The following COL22A1 variants were observed in gnomAD, a reference collection of about 807,000 sequenced individuals.
COL22A1 encodes collagen type XXII alpha 1 chain.
In COL22A1, 221 loss-of-function variants were observed where a neutral mutation model predicts 248.9. That is an observed-to-expected ratio of 0.89 (90% CI 0.80 to 0.99). The LOEUF (loss-of-function observed/expected upper bound fraction) is 0.99, where lower values mean the gene tolerates loss of function less well. Among genes scored for constraint, COL22A1 ranks in the 50% least tolerant of loss-of-function variants. The pLI is 0.00. For synonymous variants in COL22A1, 891 were observed against 793.4 expected (o/e 1.12, Z -2.07); for missense variants, 2,240 against 2,179.0 (o/e 1.03, Z -0.56).
chr8:138,609,236 C>T (rs1818667225), intron 56 of COL22A1, among the ~76,000 whole-genome samples: 1 of 152,216 alleles, frequency 6.6e-6, no homozygotes, highest in Admixed American at 6.5e-5. Context: ...AACTGAGGCT[C>T]AGAAATGCTA....
intron 52 of COL22A1, chr8:138,619,861 G>A (rs1819629759): frequency 3.6e-6 from 1 of 277,384 alleles, no homozygotes; most frequent in African/African-American, 2.2e-5. Context: ...ACCATGTCAA[G>A]GCCGCTATTA....
chr8:138,592,430 C>T (rs10096258), intron 63 of COL22A1, among the ~76,000 whole-genome samples: 59,547 of 152,126 alleles, frequency 0.39, 17,713 homozygotes, highest in African/African-American at 0.84. Context: ...TTATAATAAT[C>T]GTGTTTGGTC....
intron 41 of COL22A1, among the ~76,000 whole-genome samples, chr8:138,675,659 G>T (rs544689445): frequency 3.9e-5 from 6 of 152,296 alleles, no homozygotes; most frequent in African/African-American, 1.2e-4. Context: ...CATTAAGAGG[G>T]TATGATGTCT....
rs1823720562 is a variant in COL22A1 at position 138,660,477 on chromosome 8, C to T, written c.3244G>A (p.Ala1082Thr). 1 of 1,613,518 alleles carries T rather than the reference C, an allele frequency of 6.2e-7. No homozygotes were observed. Among genetic ancestry groups the T allele is most frequent in the Non-Finnish European group, 8.5e-7 (1 of 1,179,436 alleles). The change falls in exon 44 of 65, where the codon GCA becomes ACA. Residue 1082 changes from alanine to threonine, a missense_variant. By Grantham distance (58) the Ala-to-Thr change is moderately conservative. Transcript: ENST00000303045. ...CCTCTTTCTCCTGGATTTCCTGGTG[C>T]ACCCTAAGAGAAGAAGGAAATAAAA... ...GPQGPAGRDG[A>T]PGNPGERGPP...
At chr8:138,788,445 C>G (rs1358303487) in intron 12 of COL22A1, among the ~76,000 whole-genome samples, 1 of 152,182 alleles carries the variant, frequency 6.6e-6, no homozygotes, top group Non-Finnish European at 1.5e-5. Context: ...GAAAGTTAAA[C>G]TAAATAGCAC....
chr8:138,813,136 C>T (rs778738800), intron 7 of COL22A1, 117 bp from the exon 8 acceptor site: 2 of 745,788 alleles, frequency 2.7e-6, no homozygotes, highest in Non-Finnish European at 4.8e-6. Context: ...TTGGGGTCTT[C>T]CTGAGTCCAC....
intron 1 of COL22A1, among the ~76,000 whole-genome samples, chr8:138,889,269 C>A (rs577898674): frequency 6.6e-6 from 1 of 152,308 alleles, no homozygotes; most frequent in African/African-American, 2.4e-5. Context: ...CAAATATTAG[C>A]TGCAACTGGC....
At chr8:138,620,466 T>C (rs978661077) in intron 52 of COL22A1, 1 of 152,122 alleles carries the variant, frequency 6.6e-6, no homozygotes, top group Non-Finnish European at 1.5e-5. Flanking sequence ...ACTTCCAGGT[T>C]TGTCTGTTTC....
At chr8:138,775,353 A>C (rs1045794887) in intron 16 of COL22A1, among the ~76,000 whole-genome samples, 1 of 152,236 alleles carries the variant, frequency 6.6e-6, no homozygotes, top group Non-Finnish European at 1.5e-5. Flanking sequence ...ATGTCAGCAC[A>C]TATGGCGGAA....
chr8:138,745,058 A>T (rs1462829538), intron 22 of COL22A1, among the ~76,000 whole-genome samples: 1 of 152,240 alleles, frequency 6.6e-6, no homozygotes. Context: ...TGAGAAGGTC[A>T]TTCACGTTTC....
intron 3 of COL22A1, among the ~76,000 whole-genome samples, chr8:138,864,629 G>A (rs983138595): frequency 1.3e-5 from 2 of 152,326 alleles, no homozygotes; most frequent in South Asian, 2.1e-4. Flanking sequence ...CACTAAGTAC[G>A]TAAGCTTCCT....
intron 23 of COL22A1, among the ~76,000 whole-genome samples, chr8:138,727,292 A>G (rs1247128078): frequency 1.3e-5 from 2 of 151,522 alleles, no homozygotes; most frequent in Non-Finnish European, 2.9e-5. Context: ...CTTCTGAGCC[A>G]TCTCCACCTT....
intron 1 of COL22A1, among the ~76,000 whole-genome samples, chr8:138,886,369 T>C (rs1288625173): frequency 1.3e-5 from 2 of 151,662 alleles, no homozygotes; most frequent in African/African-American, 4.8e-5. Context: ...CAGCACAGAA[T>C]TGGTGCTCAG....
chr8:138,712,857 G>C, intron 30 of COL22A1, among the ~76,000 whole-genome samples: 1 of 151,928 alleles, frequency 6.6e-6, no homozygotes, highest in Admixed American at 6.6e-5. Flanking sequence ...TCTACCAGCA[G>C]AGGGTAAGTA....
chr8:138,861,222 C>T (rs1404005482), intron 3 of COL22A1, among the ~76,000 whole-genome samples: 1 of 152,172 alleles, frequency 6.6e-6, no homozygotes, highest in Non-Finnish European at 1.5e-5. Flanking sequence ...GGGTCTTGAG[C>T]AGACCAACTG....
chr8:138,888,218 G>T (rs1824808985), intron 1 of COL22A1, among the ~76,000 whole-genome samples: 1 of 152,158 alleles, frequency 6.6e-6, no homozygotes, highest in African/African-American at 2.4e-5. Flanking sequence ...ATGACCCTGT[G>T]ACACAGGTAA....
At chr8:138,773,392 G>A (rs963490710) in intron 16 of COL22A1, among the ~76,000 whole-genome samples, 2 of 152,172 alleles carry the variant, frequency 1.3e-5, no homozygotes, top group African/African-American at 2.4e-5. Context: ...CTTCAAATAC[G>A]GCTGTCTCTT....
At chr8:138,909,217 TAG>T (rs1318259809) in intron 1 of COL22A1, among the ~76,000 whole-genome samples, 1 of 152,240 alleles carries the variant, frequency 6.6e-6, no homozygotes, top group Non-Finnish European at 1.5e-5. Flanking sequence ...ATCCTCCTAA[TAG>T]AGTTAAGTTT....
At chr8:138,778,492 G>A (rs897715564) in intron 14 of COL22A1, 86 bp from the exon 15 acceptor site, 11 of 1,247,202 alleles carry the variant, frequency 8.8e-6, no homozygotes, top group African/African-American at 7.6e-5. Context: ...TCCCACGTTT[G>A]GTGACAAGAG....
Sources: allele counts gnomAD v4.1 joint callset (sites outside exome capture counted in the v4.1 genomes callset), GRCh38; gene constraint gnomAD v4.1.1; transcripts MANE v1.5; gene names NCBI Gene and HGNC (gene_info 2026-07-23, HGNC 2026-07-21).